Variants in CSMD2 observed in about 807,000 individuals in gnomAD.
CSMD2 encodes the protein CUB and sushi domain-containing protein 2.
CSMD2 carries 130 observed loss-of-function variants against 398.5 expected under a neutral mutation model. The ratio of observed to expected loss-of-function variants is 0.33; its 90% CI spans 0.28 to 0.38. The LOEUF (loss-of-function observed/expected upper bound fraction) is 0.38. CSMD2 is among the 10% of genes least tolerant of loss of function. The pLI is 1.00. For missense variants in CSMD2, 3,829 were observed against 4,764.9 expected (o/e 0.80, Z 5.78); for synonymous variants, 1,828 against 1,908.5 (o/e 0.96, Z 1.10).
At chr1:33,531,980 A>G (rs565590085) in intron 64 of CSMD2, among the ~76,000 whole-genome samples, 7 of 152,372 alleles carry the variant, frequency 4.6e-5, no homozygotes, top group Admixed American at 3.3e-4. Flanking sequence ...CTATCACAAT[A>G]AAAACTTAAA....
chr1:33,676,206 A>T (rs1230376622), intron 25 of CSMD2, among the ~76,000 whole-genome samples: 3 of 152,226 alleles, frequency 2.0e-5, no homozygotes, highest in African/African-American at 7.2e-5. Context: ...ATATCTAGAA[A>T]ACCCCATCAT....
At position 34,142,953 on chromosome 1, in the gene CSMD2, G is replaced by C. The variant is rs1002054085; in HGVS notation, c.187+21958C>G. Among the ~76,000 whole-genome samples the C allele has an allele frequency of 4.6e-5, 7 of 152,154 alleles. No homozygotes were observed. In the South Asian group the frequency reaches 1.4e-3, roughly 32 times the overall value. On this transcript the variant is annotated intron_variant, in intron 1 of 70. Coordinates refer to ENST00000373381, the MANE Select transcript of CSMD2 (RefSeq NM_001281956.2). Reference sequence around the variant, plus strand: ...ATCTAGGGCTGCGACATTGTGTGCTGTGTGGAAACAGCTGTAAAAACATGA... The same window carrying C: ...ATCTAGGGCTGCGACATTGTGTGCTCTGTGGAAACAGCTGTAAAAACATGA...
In CSMD2 at chr1:34,128,238, C is replaced by A. The variant is rs574785123; in HGVS notation, c.187+36673G>T. ...GACCCCTGCCTGCTCCACTTAGCCC[C>A]CAGCACTGGAAGCTTCTGAGGCTCC... is the stretch of plus-strand genomic sequence containing the variant. On this transcript the variant is annotated intron_variant, in intron 1 of 70. Transcript: ENST00000373381. Among the ~76,000 whole-genome samples the A allele has an allele frequency of 3.3e-5, 5 of 152,256 alleles. No homozygotes were observed. In the South Asian group the frequency reaches 6.2e-4, roughly 19 times the overall value.
At chr1:33,900,388 A>T (rs1031279753) in intron 5 of CSMD2, among the ~76,000 whole-genome samples, 1 of 152,210 alleles carries the variant, frequency 6.6e-6, no homozygotes, top group African/African-American at 2.4e-5. Context: ...CAGGATTTAG[A>T]GTCCAGATGA....
intron 40 of CSMD2, 78 bp downstream of exon 40, chr1:33,614,426 A>G (rs1641249197): frequency 8.6e-6 from 7 of 811,968 alleles, no homozygotes; most frequent in Non-Finnish European, 1.5e-5. Context: ...TTGTGCTAAG[A>G]GATTTTGGCG....
chr1:33,574,654 G>C (rs144007623), intron 49 of CSMD2, among the ~76,000 whole-genome samples: 43 of 152,314 alleles, frequency 2.8e-4, no homozygotes, highest in African/African-American at 1.0e-3. Context: ...ATTATGAATG[G>C]AGGAGGGTAG....
chr1:33,912,396 AC>A (rs1643497896), intron 5 of CSMD2, among the ~76,000 whole-genome samples: 1 of 136,320 alleles, frequency 7.3e-6, no homozygotes, highest in African/African-American at 3.0e-5. Context: ...GCTTTGGACG[AC>A]CCCCGCATCA....
At chr1:33,912,374 G>A (rs963106568) in intron 5 of CSMD2, among the ~76,000 whole-genome samples, 11 of 151,652 alleles carry the variant, frequency 7.3e-5, no homozygotes, top group Admixed American at 1.3e-4. Context: ...GAAATCCCAC[G>A]GGTGGAAAGG....
At chr1:33,822,511 T>C (rs1330444944) in intron 7 of CSMD2, among the ~76,000 whole-genome samples, 1 of 152,154 alleles carries the variant, frequency 6.6e-6, no homozygotes, top group Non-Finnish European at 1.5e-5. Context: ...CTTGGTTGTG[T>C]GCAGTGCACG....
Position 33,709,614 on chromosome 1 carries a change from C to T in CSMD2, c.3407-356G>A, listed in dbSNP as rs539301130. 3.1e-5 allele frequency: 11 copies of T among 356,238 alleles called. No homozygotes were observed. In the South Asian group the frequency reaches 6.6e-4, roughly 21 times the overall value. The allele number at this position is 356,238 out of a possible 1,614,324, so 22.1% of individuals were successfully genotyped here. A position where few individuals can be genotyped will look rare whatever the true frequency, so the allele number is the denominator to read the frequency against. On this transcript the variant is annotated intron_variant, in intron 21 of 70. Transcript: ENST00000373381. ...ATAGTAGCGTAGCAACAGAAATGACCGAGGAGGAGGTCAGGGGAAGAGGGG... is the reference window on the plus strand; with the variant it reads ...ATAGTAGCGTAGCAACAGAAATGACTGAGGAGGAGGTCAGGGGAAGAGGGG...
At chr1:34,016,013 CTGTGTG>C (rs72213161) in intron 3 of CSMD2, among the ~76,000 whole-genome samples, 74 of 149,006 alleles carry the variant, frequency 5.0e-4, no homozygotes, top group East Asian at 1.0e-3. Flanking sequence ...ACTCCTTGCT[CTGTGTG>C]TGTGTGTGTG....
At chr1:33,948,729 TCA>T (rs1294881479) in intron 3 of CSMD2, among the ~76,000 whole-genome samples, 1 of 152,240 alleles carries the variant, frequency 6.6e-6, no homozygotes, top group African/African-American at 2.4e-5. Context: ...CAGTGTTATA[TCA>T]CACACTCATG....
chr1:34,081,895 C>T (rs1271688843), intron 2 of CSMD2, among the ~76,000 whole-genome samples: 6 of 151,166 alleles, frequency 4.0e-5, no homozygotes, highest in East Asian at 2.0e-4. Flanking sequence ...TCTGCCCAGC[C>T]GCCCAGTCTG....
intron 2 of CSMD2, among the ~76,000 whole-genome samples, chr1:34,062,612 C>T (rs1020583046): frequency 7.2e-5 from 11 of 152,136 alleles, no homozygotes; most frequent in Admixed American, 5.9e-4. Flanking sequence ...GGGTCCATCC[C>T]GAGGGTGGGA....
intron 65 of CSMD2, among the ~76,000 whole-genome samples, chr1:33,526,939 A>G (rs770776348): frequency 1.6e-4 from 24 of 152,326 alleles, no homozygotes; most frequent in Non-Finnish European, 3.5e-4. Flanking sequence ...GGGCTGTAGT[A>G]ATCAACAGTT....
At chr1:34,056,258 C>A (rs1376828540) in intron 2 of CSMD2, among the ~76,000 whole-genome samples, 1 of 152,190 alleles carries the variant, frequency 6.6e-6, no homozygotes, top group Non-Finnish European at 1.5e-5. Context: ...GGTGCTCTGC[C>A]TCTAATCTCT....
intron 70 of CSMD2, among the ~76,000 whole-genome samples, chr1:33,517,639 A>G (rs921397330): frequency 1.3e-5 from 2 of 152,234 alleles, no homozygotes; most frequent in African/African-American, 4.8e-5. Context: ...TAATTTTGGC[A>G]TGCTAAAACA....
intron 3 of CSMD2, among the ~76,000 whole-genome samples, chr1:34,022,556 A>G (rs911413120): frequency 6.6e-6 from 1 of 152,244 alleles, no homozygotes; most frequent in Non-Finnish European, 1.5e-5. Context: ...CAGGGAGCCA[A>G]GAGGTAATAG....
At chr1:33,887,926 G>T (rs1338840713) in intron 5 of CSMD2, among the ~76,000 whole-genome samples, 1 of 152,098 alleles carries the variant, frequency 6.6e-6, no homozygotes, top group East Asian at 1.9e-4. Context: ...GCTGGTTACA[G>T]AAGAAATGTA....
Sources: allele counts gnomAD v4.1 joint callset (sites outside exome capture counted in the v4.1 genomes callset), GRCh38; gene constraint gnomAD v4.1.1; transcripts MANE v1.5; gene names NCBI Gene and HGNC (gene_info 2026-07-23, HGNC 2026-07-21).